TNR: variants seen among roughly 807,000 people sequenced by gnomAD.
TNR encodes the protein tenascin R.
A neutral mutation model predicts 150.4 loss-of-function variants in TNR; 45 were observed. That is an observed-to-expected ratio of 0.30 (90% confidence interval 0.24 to 0.38). The LOEUF (loss-of-function observed/expected upper bound fraction) is 0.38, where lower values mean the gene tolerates loss of function less well. Ranked by LOEUF, TNR falls within the 10% of genes least tolerant of loss-of-function variation. TNR has a pLI of 1.00. For synonymous variants in TNR, 687 were observed against 678.4 expected (o/e 1.01, Z -0.20); for missense variants, 1,544 against 1,759.1 (o/e 0.88, Z 2.19).
intron 1 of TNR, among the ~76,000 whole-genome samples, chr1:175,601,127 T>C (rs970848353): frequency 6.6e-6 from 1 of 152,240 alleles, no homozygotes; most frequent in African/African-American, 2.4e-5. Context: ...GGTACAGAAA[T>C]GCCTTTATCT....
rs1174740567 is a variant in TNR, at chr1:175,638,992, A to C, written c.-165+104234T>G. ...TCTCTTTCTGTCAACATCCACATCC[A>C]ATCTATGGGCAAAGTCTACCAACTT... is the stretch of plus-strand genomic sequence containing the variant. On this transcript the variant is annotated intron_variant, in intron 1 of 22. Transcript: ENST00000367674. Among the ~76,000 whole-genome samples, 7 of 152,166 alleles carry C rather than the reference A, an allele frequency of 4.6e-5. No homozygotes were observed. In the East Asian group the frequency reaches 1.3e-3, roughly 29 times the overall value.
intron 2 of TNR, among the ~76,000 whole-genome samples, chr1:175,441,929 A>G (rs576904786): frequency 5.9e-5 from 9 of 152,366 alleles, no homozygotes; most frequent in East Asian, 1.9e-4. Context: ...ACTAAAAAAC[A>G]GAAATGAAAA....
At chr1:175,339,940 A>G (rs1465541525) in intron 18 of TNR, among the ~76,000 whole-genome samples, 4 of 152,254 alleles carry the variant, frequency 2.6e-5, no homozygotes, top group African/African-American at 4.8e-5. Flanking sequence ...GATACTTTTT[A>G]AAGGCTCAAA....
chr1:175,532,760 A>G (rs1282297653), intron 1 of TNR, among the ~76,000 whole-genome samples: 1 of 152,092 alleles, frequency 6.6e-6, no homozygotes, highest in African/African-American at 2.4e-5. Flanking sequence ...TGCTTCCAAG[A>G]TGGCTCGTTT....
At chr1:175,695,834 CT>C (rs1311150132) in intron 1 of TNR, among the ~76,000 whole-genome samples, 1 of 152,142 alleles carries the variant, frequency 6.6e-6, no homozygotes, top group East Asian at 1.9e-4. Context: ...TGATATCTAT[CT>C]TCCTCACTAG....
At chr1:175,375,570 T>C (rs970028711) in intron 9 of TNR, among the ~76,000 whole-genome samples, 2 of 152,106 alleles carry the variant, frequency 1.3e-5, no homozygotes, top group Non-Finnish European at 2.9e-5. Flanking sequence ...GGGTACTTGC[T>C]GCCAGCCAGC....
intron 2 of TNR, among the ~76,000 whole-genome samples, chr1:175,452,456 C>T (rs999439950): frequency 4.6e-5 from 7 of 152,176 alleles, no homozygotes; most frequent in South Asian, 2.1e-4. Flanking sequence ...GGACGGCTGT[C>T]GGAGGAGGAG....
At chr1:175,579,043 T>C (rs1423096136) in intron 1 of TNR, among the ~76,000 whole-genome samples, 1 of 152,186 alleles carries the variant, frequency 6.6e-6, no homozygotes, top group Non-Finnish European at 1.5e-5. Flanking sequence ...CAAAAATAAC[T>C]GACTGAGAAT....
At chr1:175,700,297 G>T (rs1329068113) in intron 1 of TNR, among the ~76,000 whole-genome samples, 1 of 152,112 alleles carries the variant, frequency 6.6e-6, no homozygotes, top group East Asian at 1.9e-4. Flanking sequence ...CCAGAAGCTT[G>T]GCCCCATGGT....
chr1:175,522,700 C>G (rs950323571), intron 2 of TNR, among the ~76,000 whole-genome samples: 10 of 152,092 alleles, frequency 6.6e-5, no homozygotes, highest in African/African-American at 2.4e-4. Context: ...AGGCTAACCT[C>G]AGGGTTGTAA....
chr1:175,383,331 A>G (rs1447837444), intron 8 of TNR, among the ~76,000 whole-genome samples: 1 of 152,230 alleles, frequency 6.6e-6, no homozygotes, highest in Non-Finnish European at 1.5e-5. Context: ...TGGAGTATTC[A>G]GGTCAAAACA....
chr1:175,457,196 A>G (rs919757931), intron 2 of TNR, among the ~76,000 whole-genome samples: 1 of 152,264 alleles, frequency 6.6e-6, no homozygotes, highest in African/African-American at 2.4e-5. Context: ...GTAGAACAGC[A>G]GAAGAGAAAT....
At chr1:175,481,403 G>T (rs1202718089) in intron 2 of TNR, among the ~76,000 whole-genome samples, 2 of 152,182 alleles carry the variant, frequency 1.3e-5, no homozygotes, top group Admixed American at 6.5e-5. Context: ...TTGATTTTGG[G>T]CGTAAGATTC....
chr1:175,450,335 A>AGT (rs1391282760), intron 2 of TNR, among the ~76,000 whole-genome samples: 6 of 152,186 alleles, frequency 3.9e-5, no homozygotes, highest in African/African-American at 9.7e-5. Context: ...CTCAAGCCCT[A>AGT]GTCCCTTGCA....
At chr1:175,364,899 T>C in intron 12 of TNR, 111 bp downstream of exon 12, 1 of 1,344,756 alleles carries the variant, frequency 7.4e-7, no homozygotes, top group Middle Eastern at 2.7e-4. Flanking sequence ...TCTCTAGCCA[T>C]AGAGGAAATC....
At chr1:175,558,334 C>CTTTT (rs1355229974) in intron 1 of TNR, among the ~76,000 whole-genome samples, 16 of 151,834 alleles carry the variant, frequency 1.1e-4, no homozygotes, top group African/African-American at 3.6e-4. Flanking sequence ...AAATAATTAT[C>CTTTT]TTATATCTAT....
intron 18 of TNR, among the ~76,000 whole-genome samples, 177 bp downstream of exon 18, chr1:175,354,214 T>C (rs1571328739): frequency 6.6e-6 from 1 of 152,336 alleles, no homozygotes. Flanking sequence ...TGCTGGTTCC[T>C]GCGGTTACCT....
intron 1 of TNR, among the ~76,000 whole-genome samples, chr1:175,734,746 G>A (rs562297507): frequency 4.9e-4 from 74 of 152,234 alleles, no homozygotes; most frequent in Admixed American, 2.2e-3. Context: ...AACAGCCCTC[G>A]CAGAAAAGGG....
At chr1:175,530,097 C>T (rs527646695) in intron 1 of TNR, among the ~76,000 whole-genome samples, 10 of 152,274 alleles carry the variant, frequency 6.6e-5, no homozygotes, top group East Asian at 5.8e-4. Context: ...ATGCAGAAGA[C>T]GCTAATCGTT....
Sources: allele counts gnomAD v4.1 joint callset (sites outside exome capture counted in the v4.1 genomes callset), GRCh38; gene constraint gnomAD v4.1.1; transcripts MANE v1.5; gene names NCBI Gene and HGNC (gene_info 2026-07-23, HGNC 2026-07-21).